Variants in CDK19 observed in about 807,000 individuals in gnomAD.
CDK19 encodes cyclin-dependent kinase 19.
In CDK19, 20 loss-of-function variants were observed where a neutral mutation model predicts 68.3. The observed-to-expected ratio is 0.29, with a 90% CI of 0.21 to 0.43. CDK19 has a LOEUF of 0.43. CDK19 is among the 20% of genes least tolerant of loss of function. The probability of loss-of-function intolerance (pLI) is 1.00; values close to 1 mark genes in which losing one functional copy is unlikely to be tolerated. For missense variants in CDK19, 339 were observed against 623.5 expected, an observed-to-expected ratio of 0.54 and a Z score of 4.86; for synonymous variants, 221 against 222.8, an observed-to-expected ratio of 0.99 and a Z score of 0.07.
At chr6:110,796,350 A>T (rs947527196) in intron 1 of CDK19, among the ~76,000 whole-genome samples, 1 of 151,954 alleles carries the variant, frequency 6.6e-6, no homozygotes, top group Admixed American at 6.6e-5. Context: ...ACAAACAAAC[A>T]AATAAATAAA....
rs557466075 is a variant in CDK19, at chr6:110,632,306, C to A, written c.515-145G>T. 1.8e-5 allele frequency: 11 copies of A among 601,630 alleles called. No individual in the cohort carries two copies. In the East Asian group the frequency reaches 3.1e-4, roughly 17 times the overall value. The allele number at this position is 601,630 out of a possible 1,614,324, so 37.3% of individuals were successfully genotyped here. Reference sequence around the variant, plus strand: ...TAGCTGCTGACCTTATAAAGCAATCCTTTTCCTCCCTTTTTAACCAGAGGT... The same window carrying A: ...TAGCTGCTGACCTTATAAAGCAATCATTTTCCTCCCTTTTTAACCAGAGGT... On this transcript the variant is annotated intron_variant, in intron 5 of 12. Coordinates refer to ENST00000368911, the MANE Select transcript of CDK19 (RefSeq NM_015076.5).
intron 1 of CDK19, among the ~76,000 whole-genome samples, chr6:110,770,934 G>A (rs1020833446): frequency 2.0e-4 from 30 of 152,190 alleles, no homozygotes; most frequent in African/African-American, 7.2e-4. Flanking sequence ...TTTGACTCGA[G>A]GTCTCACATC....
chr6:110,810,450 G>C (rs1783000289), intron 1 of CDK19, among the ~76,000 whole-genome samples: 1 of 152,180 alleles, frequency 6.6e-6, no homozygotes, highest in Non-Finnish European at 1.5e-5. Context: ...CAAAAGTGTT[G>C]ACAGTGAGGA....
At chr6:110,734,768 TG>T (rs1777110837) in intron 2 of CDK19, among the ~76,000 whole-genome samples, 3 of 151,670 alleles carry the variant, frequency 2.0e-5, no homozygotes, top group African/African-American at 7.3e-5. Context: ...GTGTTGAAAA[TG>T]GCTTTCTTGT....
intron 2 of CDK19, among the ~76,000 whole-genome samples, chr6:110,691,129 T>A (rs34139155): frequency 0.11 from 17,319 of 152,106 alleles, 1,440 homozygotes; most frequent in Admixed American, 0.26. Context: ...AGAAATTTTT[T>A]AAAAAAAATC....
At chr6:110,674,710 G>A (rs371116358) in intron 2 of CDK19, among the ~76,000 whole-genome samples, 127 of 152,170 alleles carry the variant, frequency 8.3e-4, no homozygotes, top group African/African-American at 2.9e-3. Flanking sequence ...AGACCAGCCC[G>A]ACCAACATGG....
rs527335340 is a variant in CDK19, at chr6:110,770,999, T to C, written c.129-24798A>G. ...CCATGGTCTTGGGCAGCTCCAACCCTGTGGCTTTGCAGGGTATAGCCCCCC... is the reference window on the plus strand; with the variant it reads ...CCATGGTCTTGGGCAGCTCCAACCCCGTGGCTTTGCAGGGTATAGCCCCCC... On this transcript the variant is annotated intron_variant, in intron 1 of 12. Transcript: ENST00000368911. Among the ~76,000 whole-genome samples, 6 of 152,280 alleles carry C rather than the reference T, an allele frequency of 3.9e-5. 1 individual carries two copies. The highest frequency in any genetic ancestry group is 3.9e-4 in the Admixed American group (6 of 15,294).
chr6:110,690,658 T>A (rs943405344), intron 2 of CDK19, among the ~76,000 whole-genome samples: 17 of 152,188 alleles, frequency 1.1e-4, no homozygotes, highest in African/African-American at 4.1e-4. Context: ...AAGAGACCAC[T>A]GCCATTCCAA....
At chr6:110,784,042 T>C (rs1367960271) in intron 1 of CDK19, among the ~76,000 whole-genome samples, 3 of 150,174 alleles carry the variant, frequency 2.0e-5, no homozygotes, top group African/African-American at 7.4e-5. Flanking sequence ...ACTTGTAATA[T>C]CAGCTACTCG....
chr6:110,623,251 G>T, intron 9 of CDK19, 39 bp downstream of exon 9: 2 of 1,533,914 alleles, frequency 1.3e-6, no homozygotes, highest in Non-Finnish European at 1.8e-6. Context: ...CGAGATTTGT[G>T]CTGAGAATCA....
chr6:110,618,785 T>TA (rs1778517356), intron 12 of CDK19, among the ~76,000 whole-genome samples: 2 of 150,386 alleles, frequency 1.3e-5, no homozygotes, highest in Admixed American at 1.3e-4. Context: ...CAAGACCCTG[T>TA]AAAACTTCCT....
intron 5 of CDK19, among the ~76,000 whole-genome samples, chr6:110,638,392 A>G (rs1779922679): frequency 6.6e-6 from 1 of 152,214 alleles, no homozygotes; most frequent in Admixed American, 6.5e-5. Flanking sequence ...TGCTTGGGTT[A>G]CTGTATGGGA....
chr6:110,656,721 T>C (rs1034766378), intron 4 of CDK19, among the ~76,000 whole-genome samples: 1 of 152,224 alleles, frequency 6.6e-6, no homozygotes, highest in Non-Finnish European at 1.5e-5. Flanking sequence ...CAGGAGTAGT[T>C]ACTGGCCTGG....
intron 2 of CDK19, among the ~76,000 whole-genome samples, chr6:110,674,305 T>TG (rs1464454099): frequency 1.4e-4 from 21 of 152,272 alleles, no homozygotes; most frequent in Middle Eastern, 3.4e-3. Context: ...GGCCAACTAA[T>TG]AAAACTACAA....
rs373584668 is a variant in CDK19 at position 110,614,505 on chromosome 6, G to C, written c.*30C>G. On this transcript the variant is annotated 3_prime_UTR_variant, in exon 13 of 13. Coordinates refer to ENST00000368911, the MANE Select transcript of CDK19 (RefSeq NM_015076.5). ...CATATTGCTGGAGCCTGTGCTCTGG[G>C]CTGGGCTGGCCTGGCCCAACGGGAG... 6.2e-7 allele frequency: 1 copy of C among 1,607,188 alleles called. No individual in the cohort carries two copies. The highest frequency in any genetic ancestry group is 1.3e-5 in the African/African-American group (1 of 74,750).
In CDK19 at chr6:110,622,158, G is replaced by A. The variant is rs1244482015; in HGVS notation, c.1040C>T (p.Ala347Val). 6.2e-7 allele frequency: 1 copy of A among 1,602,362 alleles called. No individual in the cohort carries two copies. Among genetic ancestry groups the A allele is most frequent in the Middle Eastern group, 1.7e-4 (1 of 6,012 alleles). Residue 347 changes from alanine to valine, a missense_variant, in exon 11 of 13, where the codon GCC becomes GTC. Physicochemically the swap from Ala to Val is moderately conservative, Grantham distance 64. Transcript: ENST00000368911. ...TTTGGGGTATGGAATCTGGCAGCCG[G>A]CAAATACACTAAAAATCATTAAAAA... Reference protein sequence around the residue: ...EDPLPTLDVFAGCQIPYPKRE... With the variant: ...EDPLPTLDVFVGCQIPYPKRE...
chr6:110,802,977 C>G (rs1782439097), intron 1 of CDK19, among the ~76,000 whole-genome samples: 1 of 152,108 alleles, frequency 6.6e-6, no homozygotes, highest in African/African-American at 2.4e-5. Context: ...TGGTAAGCAA[C>G]AGTAAGCAAC....
chr6:110,758,998 A>G (rs1270821472), intron 1 of CDK19, among the ~76,000 whole-genome samples: 1 of 152,184 alleles, frequency 6.6e-6, no homozygotes, highest in Non-Finnish European at 1.5e-5. Flanking sequence ...ATAATGGCCC[A>G]TGCCTGTAAT....
intron 2 of CDK19, among the ~76,000 whole-genome samples, chr6:110,744,021 T>TG (rs905447268): frequency 1.9e-4 from 29 of 148,886 alleles, no homozygotes; most frequent in African/African-American, 6.7e-4. Context: ...GTTTTTTTTT[T>TG]TTTTTTTTTT....
Sources: gnomAD v4.1 joint callset for allele counts (sites outside exome capture counted in the v4.1 genomes callset) on GRCh38, gnomAD v4.1.1 for gene constraint, MANE v1.5 for transcripts, NCBI Gene and HGNC (gene_info 2026-07-23, HGNC 2026-07-21) for gene names.